The following GRIN2A variants were observed in gnomAD, a reference collection of about 807,000 sequenced individuals.
GRIN2A encodes glutamate ionotropic receptor NMDA type subunit 2A.
Under a neutral mutation model 113.4 loss-of-function variants are expected in GRIN2A, and 22 were observed. That is an observed-to-expected ratio of 0.19 (90% CI 0.14 to 0.28). The LOEUF is 0.28. Among genes scored for constraint, GRIN2A ranks in the 10% least tolerant of loss-of-function variants. GRIN2A has a pLI of 1.00. For synonymous variants in GRIN2A, 827 were observed against 738.4 expected, an observed-to-expected ratio of 1.12 and a Z score of -1.94; for missense variants, 1,502 against 1,887.0, an observed-to-expected ratio of 0.80 and a Z score of 3.78.
At chr16:9,979,476 C>G (rs1156933644) in intron 2 of GRIN2A, among the ~76,000 whole-genome samples, 1 of 152,054 alleles carries the variant, frequency 6.6e-6, no homozygotes, top group Admixed American at 6.5e-5. Context: ...CCTTTTTATC[C>G]TTCAGATTTC....
intron 2 of GRIN2A, among the ~76,000 whole-genome samples, chr16:10,116,895 G>A (rs1363978589): frequency 2.6e-5 from 4 of 152,060 alleles, no homozygotes; most frequent in Non-Finnish European, 5.9e-5. Context: ...CAATCGTATG[G>A]CCAGAGAACA....
chr16:9,842,688 G>C (rs1313468667), intron 5 of GRIN2A, among the ~76,000 whole-genome samples: 4 of 152,192 alleles, frequency 2.6e-5, no homozygotes, highest in Non-Finnish European at 5.9e-5. Flanking sequence ...TGTAATCTCA[G>C]CACTTTGGGA....
At chr16:9,979,992 G>A (rs975290580) in intron 2 of GRIN2A, among the ~76,000 whole-genome samples, 1 of 151,674 alleles carries the variant, frequency 6.6e-6, no homozygotes, top group Non-Finnish European at 1.5e-5. Flanking sequence ...AGACATGGTA[G>A]CTCAGTCCTG....
chr16:9,915,067 G>C (rs925531338), intron 3 of GRIN2A, among the ~76,000 whole-genome samples: 3 of 150,648 alleles, frequency 2.0e-5, no homozygotes, highest in African/African-American at 7.3e-5. Context: ...CTCCCTAGTA[G>C]CTGGGACTAC....
At chr16:9,966,830 AT>A (rs1301047565) in intron 2 of GRIN2A, among the ~76,000 whole-genome samples, 1 of 152,222 alleles carries the variant, frequency 6.6e-6, no homozygotes, top group African/African-American at 2.4e-5. Context: ...AGTAGGATGC[AT>A]ATGGGCCTGA....
rs1051368219 is a variant in GRIN2A, at chr16:9,794,911, G to A, written c.2356+3366C>T. Among the ~76,000 whole-genome samples, 6 of 151,680 alleles carry A rather than the reference G, an allele frequency of 4.0e-5. No homozygotes were observed. The South Asian group carries it at 6.2e-4, about 16-fold the overall frequency. On this transcript the variant is annotated intron_variant, in intron 11 of 12. Transcript: ENST00000330684. ...CTAGAGTTGTGCACGGGCAACTATG[G>A]TGATGATGAGAAGGAGAAGGATGAA... is the stretch of plus-strand genomic sequence containing the variant.
intron 3 of GRIN2A, among the ~76,000 whole-genome samples, chr16:9,908,202 G>C (rs1184498279): frequency 2.6e-5 from 4 of 152,088 alleles, no homozygotes; most frequent in Non-Finnish European, 4.4e-5. Flanking sequence ...TTCTGGTGTG[G>C]AAATGTGTCC....
In GRIN2A at chr16:9,798,291, T is replaced by C; in HGVS notation, c.2342A>G (p.Gln781Arg). ...CGGGGTCTTACCATCACCCACAAACTGAAGCAAGGCCAGGTCGATCTGCCT... is the reference window on the plus strand; with the variant it reads ...CGGGGTCTTACCATCACCCACAAACCGAAGCAAGGCCAGGTCGATCTGCCT... Reference protein sequence around the residue: ...WKRQIDLALLQFVGDGEMEEL... With the variant: ...WKRQIDLALLRFVGDGEMEEL... Residue 781 changes from glutamine (Q) to arginine (R), a missense_variant, in exon 11 of 13, where the codon CAG becomes CGG. Transcript: ENST00000330684. 1 of 1,613,896 alleles carries C rather than the reference T, an allele frequency of 6.2e-7. No homozygotes were observed. Among genetic ancestry groups the C allele is most frequent in the African/African-American group, 1.3e-5 (1 of 75,014 alleles).
At chr16:10,157,246 T>G (rs116210911) in intron 2 of GRIN2A, among the ~76,000 whole-genome samples, 32 of 152,254 alleles carry the variant, frequency 2.1e-4, no homozygotes, top group African/African-American at 7.5e-4. Flanking sequence ...GGGCCAGGTA[T>G]AGTGTCAGAG....
intron 10 of GRIN2A, among the ~76,000 whole-genome samples, chr16:9,805,157 A>G (rs906855647): frequency 2.6e-5 from 4 of 152,196 alleles, no homozygotes; most frequent in Non-Finnish European, 5.9e-5. Context: ...GGGGAGGACT[A>G]TACCCCACAG....
intron 10 of GRIN2A, among the ~76,000 whole-genome samples, chr16:9,804,143 G>C (rs891231416): frequency 2.0e-5 from 3 of 152,168 alleles, no homozygotes; most frequent in African/African-American, 4.8e-5. Flanking sequence ...TGAAGATGGA[G>C]GGTAAGAAAG....
chr16:9,938,646 A>G (rs1348940041), intron 2 of GRIN2A, 95 bp from the exon 3 acceptor site: 3 of 829,958 alleles, frequency 3.6e-6, no homozygotes, highest in Non-Finnish European at 6.1e-6. Context: ...AGTAAATCAC[A>G]CATCAATCAT....
intron 2 of GRIN2A, among the ~76,000 whole-genome samples, chr16:10,172,327 C>T (rs764938989): frequency 6.6e-6 from 1 of 152,206 alleles, no homozygotes; most frequent in Non-Finnish European, 1.5e-5. Flanking sequence ...GGCCTTAAGG[C>T]CAGTGGGCTC....
intron 2 of GRIN2A, among the ~76,000 whole-genome samples, chr16:9,960,058 A>ACC (rs2045405379): frequency 6.6e-6 from 1 of 152,224 alleles, no homozygotes; most frequent in African/African-American, 2.4e-5. Context: ...AAAGGCAGAG[A>ACC]TGATGTGGCT....
intron 3 of GRIN2A, among the ~76,000 whole-genome samples, chr16:9,902,456 C>T (rs546770422): frequency 6.6e-6 from 1 of 152,310 alleles, no homozygotes; most frequent in Admixed American, 6.5e-5. Flanking sequence ...TGTGGAATAC[C>T]ACACCAGCCC....
intron 2 of GRIN2A, among the ~76,000 whole-genome samples, chr16:9,961,183 G>C (rs143013248): frequency 1.3e-5 from 2 of 152,130 alleles, no homozygotes; most frequent in African/African-American, 4.8e-5. Flanking sequence ...CATGTACCAA[G>C]AACTACTATC....
At chr16:10,133,828 T>C (rs921920887) in intron 2 of GRIN2A, among the ~76,000 whole-genome samples, 1 of 151,988 alleles carries the variant, frequency 6.6e-6, no homozygotes, top group African/African-American at 2.4e-5. Flanking sequence ...CAGGGGTTTT[T>C]GATTAAAAAA....
intron 4 of GRIN2A, among the ~76,000 whole-genome samples, chr16:9,876,002 T>G (rs2043357778): frequency 6.6e-6 from 1 of 152,140 alleles, no homozygotes; most frequent in Admixed American, 6.5e-5. Context: ...AGCTTCTCTG[T>G]CATAATGTAA....
chr16:9,920,990 T>C (rs913757021), intron 3 of GRIN2A, among the ~76,000 whole-genome samples: 1 of 152,198 alleles, frequency 6.6e-6, no homozygotes, highest in Non-Finnish European at 1.5e-5. Flanking sequence ...TTAATATGTA[T>C]GGGTCCTCCT....
Sources: gnomAD v4.1 joint callset for allele counts (sites outside exome capture counted in the v4.1 genomes callset) on GRCh38, gnomAD v4.1.1 for gene constraint, MANE v1.5 for transcripts, NCBI Gene and HGNC (gene_info 2026-07-23, HGNC 2026-07-21) for gene names.